Variants in GCNT2 observed in about 807,000 individuals in gnomAD.
GCNT2 encodes the protein N-acetyllactosaminide beta-1,6-N-acetylglucosaminyl-transferase.
A neutral mutation model predicts 34.2 loss-of-function variants in GCNT2; 34 were observed. The observed-to-expected ratio is 1.00, with a 90% confidence interval of 0.76 to 1.32. GCNT2 has a LOEUF of 1.32. Among genes scored for constraint, GCNT2 ranks in the 40% most tolerant of loss-of-function variants. The pLI, the probability that GCNT2 is intolerant of heterozygous loss-of-function variation, is 0.00. For missense variants in GCNT2, 584 were observed against 489.4 expected, an observed-to-expected ratio of 1.19 and a Z score of -1.82; for synonymous variants, 212 against 188.0, an observed-to-expected ratio of 1.13 and a Z score of -1.04.
chr6:10,533,703 C>T (rs1200185977), intron 3 of GCNT2, among the ~76,000 whole-genome samples: 1 of 143,378 alleles, frequency 7.0e-6, no homozygotes, highest in Non-Finnish European at 1.5e-5. Context: ...GCAGGAGAAT[C>T]GCTTCAGCGA....
chr6:10,541,314 CTATCCATGTCCCTGCA>C (rs1302474761), intron 3 of GCNT2, among the ~76,000 whole-genome samples: 3 of 152,186 alleles, frequency 2.0e-5, no homozygotes, highest in African/African-American at 7.2e-5. Context: ...TCTTCCAACT[CTATCCATGTCCCTGCA>C]AAGGACATGA....
chr6:10,556,132 A>G, intron 3 of GCNT2: 1 of 1,302,598 alleles, frequency 7.7e-7, no homozygotes, highest in Non-Finnish European at 9.8e-7. Context: ...CAAAACAGCT[A>G]GCAGATGCAA....
At chr6:10,524,242 A>G (rs1447260017) in intron 1 of GCNT2, among the ~76,000 whole-genome samples, 3 of 150,926 alleles carry the variant, frequency 2.0e-5, no homozygotes, top group Non-Finnish European at 4.4e-5. Flanking sequence ...TCTGACACAT[A>G]ATCCAGGGCT....
chr6:10,529,587 G>T lies in GCNT2; in HGVS notation c.676G>T (p.Val226Phe). 1 of 1,614,138 alleles carries T rather than the reference G, an allele frequency of 6.2e-7. No homozygotes were observed. Among genetic ancestry groups the T allele is most frequent in the Non-Finnish European group, 8.5e-7 (1 of 1,179,978 alleles). The change falls in exon 3 of 5, where the codon GTT becomes TTT. Residue 226 changes from valine (V) to phenylalanine (F), a missense_variant. By Grantham distance (50) the Val-to-Phe change is conservative. Coordinates refer to ENST00000495262, the MANE Select transcript of GCNT2 (RefSeq NM_145649.5). ...TPGVLPPDHAVGRTKYVHQEL... is the reference protein window; with the variant it reads ...TPGVLPPDHAFGRTKYVHQEL... ...CGGAGTGCTGCCTCCTGACCACGCT[G>T]TTGGACGGACTAAATACGTCCACCA...
At chr6:10,612,800 C>T (rs950843490) in intron 3 of GCNT2, among the ~76,000 whole-genome samples, 2 of 152,126 alleles carry the variant, frequency 1.3e-5, no homozygotes, top group African/African-American at 4.8e-5. Flanking sequence ...CTGGTGCTGT[C>T]AGTTATCGTG....
chr6:10,625,333 T>C (rs1766213139), intron 4 of GCNT2, among the ~76,000 whole-genome samples: 1 of 152,188 alleles, frequency 6.6e-6, no homozygotes. Flanking sequence ...TTAAGGACTG[T>C]CCATACTTGT....
rs1247179531 is a variant in GCNT2, at chr6:10,589,126, GTGTGGTGTGGTTA to G, written c.926-32214_926-32202del. On this transcript the variant is annotated intron_variant, in intron 3 of 4. Transcript: ENST00000495262. ...TAGTGTGTGTGTGGTGTGTGTGTAT[GTGTGGTGTGGTTA>G]TGTGGTGTGGGTGTGTGTGCGTGTG... Among the ~76,000 whole-genome samples, 285 of 143,898 alleles carry G rather than the reference GTGTGGTGTGGTTA, an allele frequency of 2.0e-3. 1 individual carries two copies. Among genetic ancestry groups the G allele is most frequent in the African/African-American group, 7.0e-3 (271 of 38,886 alleles). 94.4% of individuals were successfully genotyped at this position (143,898 alleles called of 152,430 possible).
intron 3 of GCNT2, among the ~76,000 whole-genome samples, chr6:10,538,437 A>AAAAAAAATATATATATATATAT (rs1554127249): frequency 2.7e-5 from 2 of 73,352 alleles, no homozygotes; most frequent in African/African-American, 2.4e-4. Flanking sequence ...AAAAAAAAAA[A>AAAAAAAATATATATATATATAT]ATATATATAT....
In GCNT2 at chr6:10,578,100, G is replaced by A. The variant is rs552135350; in HGVS notation, c.926-43251G>A. ...CTGCTATTTTCAGTGGTAAAGAGTA[G>A]ATGAAACTGGCCAGGCGCATTGGCT... On this transcript the variant is annotated intron_variant, in intron 3 of 4. Transcript: ENST00000495262. 1.2e-4 allele frequency among the ~76,000 whole-genome samples: 18 copies of A among 152,118 alleles called. No individual in the cohort carries two copies. The South Asian group carries it at 3.3e-3, about 28-fold the overall frequency.
At chr6:10,612,880 T>G (rs563170740) in intron 3 of GCNT2, among the ~76,000 whole-genome samples, 4 of 152,360 alleles carry the variant, frequency 2.6e-5, no homozygotes, top group Non-Finnish European at 5.9e-5. Flanking sequence ...TAGCTTATTT[T>G]GAAGATATTA....
At chr6:10,546,987 C>G (rs1454569448) in intron 3 of GCNT2, among the ~76,000 whole-genome samples, 1 of 151,850 alleles carries the variant, frequency 6.6e-6, no homozygotes, top group Non-Finnish European at 1.5e-5. Context: ...ATTTTATGTC[C>G]TACCTTAAGA....
At chr6:10,541,259 G>C (rs1399039748) in intron 3 of GCNT2, among the ~76,000 whole-genome samples, 4 of 152,146 alleles carry the variant, frequency 2.6e-5, no homozygotes, top group African/African-American at 9.7e-5. Flanking sequence ...GAGAACATGC[G>C]GTGTTTGGGT....
At chr6:10,556,592 C>A (rs750703865) in intron 3 of GCNT2, 9 of 1,614,028 alleles carry the variant, frequency 5.6e-6, no homozygotes, top group Non-Finnish European at 7.6e-6. Flanking sequence ...TGGAAAAACA[C>A]GTTTCCTGTG....
intron 3 of GCNT2, chr6:10,586,858 C>A: frequency 6.2e-7 from 1 of 1,613,956 alleles, no homozygotes; most frequent in South Asian, 1.1e-5. Flanking sequence ...CTACAATGGT[C>A]AAAAGATACC....
intron 3 of GCNT2, among the ~76,000 whole-genome samples, chr6:10,593,670 T>C (rs35832064): frequency 0.11 from 16,744 of 152,224 alleles, 1,107 homozygotes; most frequent in Middle Eastern, 0.17. Context: ...TATTGCATTT[T>C]GATGGCTTCT....
At chr6:10,580,126 T>G (rs1321468312) in intron 3 of GCNT2, among the ~76,000 whole-genome samples, 1 of 152,246 alleles carries the variant, frequency 6.6e-6, no homozygotes, top group Non-Finnish European at 1.5e-5. Flanking sequence ...AAGACAAAAC[T>G]GGCATCCTGA....
At chr6:10,568,837 T>C (rs1763398912) in intron 3 of GCNT2, among the ~76,000 whole-genome samples, 1 of 152,140 alleles carries the variant, frequency 6.6e-6, no homozygotes, top group South Asian at 2.1e-4. Context: ...TTGCCTTCCA[T>C]CTCTCCATTT....
intron 3 of GCNT2, among the ~76,000 whole-genome samples, chr6:10,550,393 T>A (rs1762432453): frequency 6.6e-6 from 1 of 151,804 alleles, no homozygotes; most frequent in Non-Finnish European, 1.5e-5. Context: ...ATAGGGTCAT[T>A]GAGAAAAAAA....
chr6:10,577,966 C>G (rs774445382), intron 3 of GCNT2, among the ~76,000 whole-genome samples: 1 of 152,314 alleles, frequency 6.6e-6, no homozygotes, highest in East Asian at 1.9e-4. Flanking sequence ...CCACCATGAC[C>G]ACCCCTCACT....
Sources: gnomAD v4.1 joint callset for allele counts (sites outside exome capture counted in the v4.1 genomes callset) on GRCh38, gnomAD v4.1.1 for gene constraint, MANE v1.5 for transcripts, NCBI Gene and HGNC (gene_info 2026-07-23, HGNC 2026-07-21) for gene names.